ROBO3: variants seen among roughly 807,000 people sequenced by gnomAD.
The protein encoded by ROBO3 is roundabout homolog 3.
A neutral mutation model predicts 160.5 loss-of-function variants in ROBO3; 97 were observed. The observed-to-expected ratio is 0.60, with a 90% CI of 0.51 to 0.72. The LOEUF is 0.72. Ranked by LOEUF, ROBO3 falls within the 30% of genes least tolerant of loss-of-function variation. The pLI is 0.00. For synonymous variants in ROBO3, 780 were observed against 746.2 expected, an observed-to-expected ratio of 1.05 and a Z score of -0.74; for missense variants, 1,858 against 1,846.5, an observed-to-expected ratio of 1.01 and a Z score of -0.11.
chr11:124,866,374 C>G (rs1946196248), intron 1 of ROBO3, among the ~76,000 whole-genome samples: 1 of 152,216 alleles, frequency 6.6e-6, no homozygotes, highest in Admixed American at 6.5e-5. Context: ...TAATAAATGA[C>G]TGGGACAGCG....
Position 124,879,515 on chromosome 11 carries a change from C to T in ROBO3, c.3736C>T (p.Arg1246Cys), listed in dbSNP as rs761958214. ...GEMTPPLQGP[R>C]ARFRKKPKAL... The stretch of plus-strand genomic sequence containing the variant: ...GATGACTCCCCCACTTCAAGGACCC[C>T]GTGCTCGATTCCGGAAGAAACCCAA... The change falls in exon 25 of 28, where the codon CGT (arginine) becomes TGT (cysteine). Residue 1246 changes from arginine to cysteine, a missense_variant. Transcript: ENST00000397801. 178 of 1,613,906 alleles carry T rather than the reference C, an allele frequency of 1.1e-4. 1 individual carries two copies. Among genetic ancestry groups the T allele is most frequent in the South Asian group, 5.2e-4 (47 of 91,044 alleles).
In ROBO3 at chr11:124,873,311, A is replaced by G; in HGVS notation, c.1538A>G (p.Glu513Gly). The change falls in exon 10 of 28, where the codon GAG becomes GGG. Residue 513 changes from glutamate (E) to glycine (G), a missense_variant and splice_region_variant. Glu to Gly is a moderately conservative substitution (Grantham distance 98, BLOSUM62 -2). Coordinates refer to ENST00000397801, the MANE Select transcript of ROBO3 (RefSeq NM_022370.4). The surrounding 1 kb of genome is among the most constrained non-coding windows in gnomAD (Gnocchi z 4.5). ...CCAGTGCTCTGCCCTCTCTTCCAGG[A>G]GATGGACATGGGCTTCTACAGCTGC... ...NGTLYIANVQEMDMGFYSCVA... is the reference protein window; with the variant it reads ...NGTLYIANVQGMDMGFYSCVA... The G allele has an allele frequency of 6.2e-7, 1 of 1,608,202 alleles. No homozygotes were observed. The highest frequency in any genetic ancestry group is 8.5e-7 in the Non-Finnish European group (1 of 1,177,486).
At position 124,875,236 on chromosome 11, in the gene ROBO3, A is replaced by T. The variant is rs1467143716; in HGVS notation, c.2199A>T (p.Gly733=). The T allele has an allele frequency of 6.2e-7, 1 of 1,612,844 alleles. No homozygotes were observed. The highest frequency in any genetic ancestry group is 1.3e-5 in the African/African-American group (1 of 74,472). ...SPSQQSTVLR[G]LPPGTQIQIK... is the part of the protein sequence containing the mutation. Reference sequence around the variant, plus strand: ...GCCAGCAAAGTACTGTGCTAAGAGGACTCCCTCCAGGGACCCAAATCCAGA... The same window carrying T: ...GCCAGCAAAGTACTGTGCTAAGAGGTCTCCCTCCAGGGACCCAAATCCAGA... The change falls in exon 14 of 28, where the codon GGA becomes GGT. Residue 733 remains glycine (G), a synonymous_variant. Transcript: ENST00000397801.
rs755519737 is a variant in ROBO3, at chr11:124,873,712, C to T, written c.1634C>T (p.Ser545Leu). 73 of 1,612,680 alleles carry T rather than the reference C, an allele frequency of 4.5e-5. 1 individual carries two copies. The East Asian group carries it at 1.5e-3, about 33-fold the overall frequency. ...CCCACTGCAGAAGACTGGGGAGTAT[C>T]ACCAGACCCCCCTACAGAACCCAGT... is the stretch of plus-strand genomic sequence containing the variant. ...WLKMREDWGV[S>L]PDPPTEPSSP... The change falls in exon 11 of 28, where the codon TCA becomes TTA. Residue 545 changes from serine (S) to leucine (L), a missense_variant. Transcript: ENST00000397801. This position sits in a 1 kb window ranked among gnomAD's most constrained non-coding sequence, Gnocchi z 4.5.
In ROBO3 at chr11:124,877,933, G is replaced by A. The variant is rs2135341313; in HGVS notation, c.2987-4G>A. On this transcript the variant is annotated splice_region_variant and splice_polypyrimidine_tract_variant and intron_variant, in intron 20 of 27. Transcript: ENST00000397801. Reference sequence around the variant, plus strand: ...TTCCGGGCCTCCCTCTTTCTTCTCTGCAGAAGCGGGAATCTCCCTGTATCT... The same window carrying A: ...TTCCGGGCCTCCCTCTTTCTTCTCTACAGAAGCGGGAATCTCCCTGTATCT... 6.3e-7 allele frequency: 1 copy of A among 1,590,790 alleles called. No individual in the cohort carries two copies.
At position 124,878,386 on chromosome 11, in the gene ROBO3, T is replaced by G; in HGVS notation, c.3270T>G (p.Pro1090=). ...NWPEALPPPP[P]SCELSCLEGP... ...CAGAAGCCCTGCCCCCACCTCCTCCTTCTTGTGAACTGAGCTGCCTAGAAG... is the reference window on the plus strand; with the variant it reads ...CAGAAGCCCTGCCCCCACCTCCTCCGTCTTGTGAACTGAGCTGCCTAGAAG... The change falls in exon 22 of 28, where the codon CCT becomes CCG. Residue 1090 remains proline, a synonymous_variant. Transcript: ENST00000397801. The surrounding 1 kb of genome is among the most constrained non-coding windows in gnomAD (Gnocchi z 4.3). 1.9e-6 allele frequency: 3 copies of G among 1,613,906 alleles called. No homozygotes were observed. Among genetic ancestry groups the G allele is most frequent in the Non-Finnish European group, 2.5e-6 (3 of 1,179,862 alleles).
chr11:124,877,005 G>C (rs1349538571), intron 17 of ROBO3, 156 bp from the exon 18 acceptor site: 1 of 843,412 alleles, frequency 1.2e-6, no homozygotes, highest in African/African-American at 1.7e-5. Context: ...ACCGACACCT[G>C]AGTCCCACCC....
In ROBO3 at chr11:124,874,875, T is replaced by C. The variant is rs1352631900; in HGVS notation, c.2039T>C (p.Val680Ala). Residue 680 changes from valine (V) to alanine (A), a missense_variant, in exon 13 of 28, where the codon GTC (valine) becomes GCC (alanine). By Grantham distance (64) the Val-to-Ala change is moderately conservative. Transcript: ENST00000397801. ...GCTGTGCGCCTGCAGGAGCCCATAG[T>C]CCTGGGACCCCGGACCCTGCAGGTG... is the stretch of plus-strand genomic sequence containing the variant. ...EVAVRLQEPI[V>A]LGPRTLQVSW... 6.2e-7 allele frequency: 1 copy of C among 1,602,670 alleles called. No homozygotes were observed. Among genetic ancestry groups the C allele is most frequent in the South Asian group, 1.1e-5 (1 of 88,786 alleles).
Position 124,869,559 on chromosome 11 carries a change from C to T in ROBO3, c.597C>T (p.Ser199=). The T allele has an allele frequency of 6.4e-7, 1 of 1,571,340 alleles. No individual in the cohort carries two copies. The highest frequency in any genetic ancestry group is 2.3e-5 in the East Asian group (1 of 42,676). Residue 199 remains serine (S), a synonymous_variant, in exon 3 of 28, where the codon TCC becomes TCT. Transcript: ENST00000397801. The surrounding 1 kb of genome is among the most constrained non-coding windows in gnomAD (Gnocchi z 4.2). The stretch of plus-strand genomic sequence containing the variant: ...GCGGCCACCCGGAGCCTTCCGTGTC[C>T]TGGAGGAAGGACGGTGCAAGACTCA... ...PPRGHPEPSV[S]WRKDGARLKE... is the part of the protein sequence containing the mutation.
rs1297372115 is a variant in ROBO3 at position 124,877,631 on chromosome 11, C to T, written c.2959C>T (p.Pro987Ser). ...EPRGSCCPSN[P>S]DPDDRYYNEA... Reference sequence around the variant, plus strand: ...CAGGGGAAGCTGCTGCCCTAGCAATCCTGACCCGGACGACAGATATTACAA... The same window carrying T: ...CAGGGGAAGCTGCTGCCCTAGCAATTCTGACCCGGACGACAGATATTACAA... The change falls in exon 20 of 28, where the codon CCT becomes TCT. Residue 987 changes from proline to serine, a missense_variant. By Grantham distance (74) the Pro-to-Ser change is moderately conservative (BLOSUM62 -1). Transcript: ENST00000397801. The T allele has an allele frequency of 2.5e-6, 4 of 1,610,778 alleles. No homozygotes were observed. Among genetic ancestry groups the T allele is most frequent in the Non-Finnish European group, 3.4e-6 (4 of 1,178,688 alleles).
rs373438981 is a variant in ROBO3 at position 124,873,779 on chromosome 11, C to G, written c.1701C>G (p.Ile567Met). The change falls in exon 11 of 28, where the codon ATC (isoleucine) becomes ATG (methionine). Residue 567 changes from isoleucine to methionine, a missense_variant. By Grantham distance (10) the Ile-to-Met change is conservative (BLOSUM62 1). Transcript: ENST00000397801. The surrounding 1 kb of genome is among the most constrained non-coding windows in gnomAD (Gnocchi z 4.5). ...GAPSQPVVTE[I>M]TKNSITLTWK... ...CCTCTCAGCCAGTGGTCACTGAGAT[C>G]ACCAAGAACAGCATTACCCTGACCT... 2 of 1,613,792 alleles carry G rather than the reference C, an allele frequency of 1.2e-6. No homozygotes were observed. The highest frequency in any genetic ancestry group is 1.3e-5 in the African/African-American group (1 of 74,928).
chr11:124,880,665 A>G, intron 27 of ROBO3, 57 bp downstream of exon 27: 1 of 1,461,774 alleles, frequency 6.8e-7, no homozygotes, highest in South Asian at 1.4e-5. Flanking sequence ...GGGTGGACCA[A>G]GGCGTAATGG....
chr11:124,868,377 G>A (rs1187984649), intron 1 of ROBO3: 1 of 395,454 alleles, frequency 2.5e-6, no homozygotes, highest in Non-Finnish European at 4.6e-6. Flanking sequence ...TCCAGTGCAC[G>A]GTTTATGGTC....
Position 124,876,017 on chromosome 11 carries a change from T to A in ROBO3, c.2485T>A (p.Ser829Thr). 1.2e-6 allele frequency: 2 copies of A among 1,602,220 alleles called. No individual in the cohort carries two copies. Among genetic ancestry groups the A allele is most frequent in the Non-Finnish European group, 1.7e-6 (2 of 1,174,964 alleles). The change falls in exon 16 of 28, where the codon TCC becomes ACC. Residue 829 changes from serine (S) to threonine (T), a missense_variant. By Grantham distance (58) the Ser-to-Thr change is moderately conservative. Transcript: ENST00000397801. This position sits in a 1 kb window ranked among gnomAD's most constrained non-coding sequence, Gnocchi z 5.3. Reference protein sequence around the residue: ...LNRSAAGWARSAMLRGLVPGL... With the variant: ...LNRSAAGWARTAMLRGLVPGL... The stretch of plus-strand genomic sequence containing the variant: ...TCGATCTGCAGCAGGCTGGGCACGC[T>A]CCGCAATGCTCCGAGGACTGGTGCC...
intron 1 of ROBO3, among the ~76,000 whole-genome samples, chr11:124,868,237 C>T (rs1298588757): frequency 6.6e-6 from 1 of 152,168 alleles, no homozygotes; most frequent in African/African-American, 2.4e-5. Flanking sequence ...TCATAGAATC[C>T]AGGTTGACAA....
intron 17 of ROBO3, 103 bp from the exon 18 acceptor site, chr11:124,877,058 G>A: frequency 7.8e-7 from 1 of 1,277,670 alleles, no homozygotes. Context: ...CAGCCTGAGT[G>A]GTGGAACTGG....
In ROBO3 at chr11:124,878,838, T is replaced by C. The variant is rs1198665086; in HGVS notation, c.3533+42T>C. 4.0e-6 allele frequency: 6 copies of C among 1,491,290 alleles called. No individual in the cohort carries two copies. The highest frequency in any genetic ancestry group is 5.6e-6 in the Non-Finnish European group (6 of 1,080,052). The allele number at this position is 1,491,290 out of a possible 1,614,324, so 92.4% of individuals were successfully genotyped here. On this transcript the variant is annotated intron_variant, in intron 23 of 27. Coordinates refer to ENST00000397801, the MANE Select transcript of ROBO3 (RefSeq NM_022370.4). The surrounding 1 kb of genome is among the most constrained non-coding windows in gnomAD (Gnocchi z 4.3). Reference sequence around the variant, plus strand: ...TACCTCACTCATTGCAAGCCCTCTATACGTATCTACTCAGTAGATGACTGG... The same window carrying C: ...TACCTCACTCATTGCAAGCCCTCTACACGTATCTACTCAGTAGATGACTGG...
At position 124,874,160 on chromosome 11, in the gene ROBO3, C is replaced by T. The variant is rs1946317370; in HGVS notation, c.1875C>T (p.Tyr625=). Residue 625 remains tyrosine (Y), a synonymous_variant, in exon 12 of 28, where the codon TAC becomes TAT. Transcript: ENST00000397801. ...TVSGLQPNTI[Y]LFLVRAVGAW... ...GCGGTCTGCAGCCCAATACCATCTA[C>T]CTGTTTCTGGTTCGAGCAGTGGGAG... is the stretch of plus-strand genomic sequence containing the variant. 2 of 1,613,996 alleles carry T rather than the reference C, an allele frequency of 1.2e-6. No individual in the cohort carries two copies. The highest frequency in any genetic ancestry group is 1.3e-5 in the African/African-American group (1 of 75,034).
rs2135334880 is a variant in ROBO3 at position 124,876,015 on chromosome 11, G to A, written c.2483G>A (p.Arg828His). ...AATCGATCTGCAGCAGGCTGGGCAC[G>A]CTCCGCAATGCTCCGAGGACTGGTG... The part of the protein sequence containing the change: ...HLNRSAAGWA[R>H]SAMLRGLVPG... Residue 828 changes from arginine to histidine, a missense_variant, in exon 16 of 28, where the codon CGC becomes CAC. Arg to His is a conservative substitution (Grantham distance 29). Coordinates refer to ENST00000397801, the MANE Select transcript of ROBO3 (RefSeq NM_022370.4). This position sits in a 1 kb window ranked among gnomAD's most constrained non-coding sequence, Gnocchi z 5.3. The A allele has an allele frequency of 6.2e-7, 1 of 1,600,876 alleles. No individual in the cohort carries two copies. The highest frequency in any genetic ancestry group is 8.5e-7 in the Non-Finnish European group (1 of 1,174,312).
Sources: gnomAD v4.1 joint callset for allele counts (sites outside exome capture counted in the v4.1 genomes callset) on GRCh38, gnomAD v4.1.1 for gene constraint, Gnocchi (gnomAD v3.1) non-coding constraint, MANE v1.5 for transcripts, NCBI Gene and HGNC (gene_info 2026-07-23, HGNC 2026-07-21) for gene names.